Variants in STARD13 observed in about 807,000 individuals in gnomAD.
STARD13 encodes StAR related lipid transfer domain containing 13.
Under a neutral mutation model 106.4 loss-of-function variants are expected in STARD13, and 62 were observed. The ratio of observed to expected loss-of-function variants is 0.58; its 90% CI spans 0.48 to 0.72. The LOEUF (loss-of-function observed/expected upper bound fraction) is 0.72, where lower values mean the gene tolerates loss of function less well. STARD13 is among the 30% of genes least tolerant of loss of function. The pLI, the probability that STARD13 is intolerant of heterozygous loss-of-function variation, is 0.00. For missense variants in STARD13, 1,387 were observed against 1,424.0 expected, an observed-to-expected ratio of 0.97 and a Z score of 0.42; for synonymous variants, 565 against 553.0, an observed-to-expected ratio of 1.02 and a Z score of -0.31.
rs112001575 is a variant in STARD13, at chr13:33,273,447, G to A, written c.169+12023C>T. 6.7e-3 allele frequency among the ~76,000 whole-genome samples: 1,024 copies of A among 152,260 alleles called. 8 individuals are homozygous for A. The highest frequency in any genetic ancestry group is 0.023 in the African/African-American group (973 of 41,544). On this transcript the variant is annotated intron_variant, in intron 1 of 13. Coordinates refer to ENST00000336934, the MANE Select transcript of STARD13 (RefSeq NM_178006.4). ...AAGGATGTTTCTATTCTTTCTGGAG[G>A]AATTTCTAAATAGAGGGGGACTTAA...
the STARD13 span, among the ~76,000 whole-genome samples, chr13:33,599,500 T>C: frequency 6.6e-6 from 1 of 152,184 alleles, no homozygotes; most frequent in Non-Finnish European, 1.5e-5. Context: ...ACTTCATTCC[T>C]AGGAGCTTAG....
the STARD13 span, among the ~76,000 whole-genome samples, chr13:33,596,218 G>A: frequency 6.6e-6 from 1 of 152,116 alleles, no homozygotes; most frequent in Admixed American, 6.5e-5. Context: ...AAGGCTAATT[G>A]TTTGGTGTTT....
chr13:33,168,694 A>G (rs141485189), intron 1 of STARD13, among the ~76,000 whole-genome samples: 3 of 152,262 alleles, frequency 2.0e-5, no homozygotes, highest in Non-Finnish European at 2.9e-5. Context: ...TGGAGTGTAC[A>G]GGGCGTTCTT....
At chr13:33,625,873 T>G in the STARD13 span, among the ~76,000 whole-genome samples, 2 of 152,066 alleles carry the variant, frequency 1.3e-5, no homozygotes, top group Non-Finnish European at 2.9e-5. Context: ...GGCTAATTTT[T>G]GTATTTTTAG....
intron 1 of STARD13, among the ~76,000 whole-genome samples, chr13:33,268,684 A>G (rs1891022046): frequency 2.0e-5 from 3 of 152,258 alleles, no homozygotes; most frequent in Admixed American, 2.0e-4. Flanking sequence ...GCTTTAGAGC[A>G]ATGAACATGG....
chr13:33,505,624 T>C, the STARD13 span, among the ~76,000 whole-genome samples: 1 of 152,196 alleles, frequency 6.6e-6, no homozygotes, highest in Non-Finnish European at 1.5e-5. Context: ...TGTCTTCTGA[T>C]TTAACTACAT....
chr13:33,646,797 C>T, the STARD13 span, among the ~76,000 whole-genome samples: 13 of 151,856 alleles, frequency 8.6e-5, no homozygotes, highest in African/African-American at 3.1e-4. Flanking sequence ...TGAAATGTTA[C>T]ATGCAAATTC....
At chr13:33,223,553 G>A (rs930584925) in intron 1 of STARD13, among the ~76,000 whole-genome samples, 1 of 152,064 alleles carries the variant, frequency 6.6e-6, no homozygotes, top group African/African-American at 2.4e-5. Flanking sequence ...CAGCTACTCG[G>A]GAGGCTGAGG....
chr13:33,309,446 A>T (rs1893049604), intron 1 of STARD13, among the ~76,000 whole-genome samples: 1 of 152,198 alleles, frequency 6.6e-6, no homozygotes, highest in African/African-American at 2.4e-5. Context: ...CACCTGACCA[A>T]CTAATGTCTC....
chr13:33,265,343 A>C (rs911957003), intron 1 of STARD13, among the ~76,000 whole-genome samples: 1 of 152,230 alleles, frequency 6.6e-6, no homozygotes, highest in Non-Finnish European at 1.5e-5. Context: ...AAGAGTTCAC[A>C]TTTGAAAATC....
chr13:33,366,148 T>G, the STARD13 span, among the ~76,000 whole-genome samples: 264 of 152,228 alleles, frequency 1.7e-3, 4 homozygotes, highest in African/African-American at 6.3e-3. The surrounding 1 kb of genome is among the most constrained non-coding windows in gnomAD (Gnocchi z 4.2). Flanking sequence ...TGGCTTATAC[T>G]TGCTTAGTAT....
intron 1 of STARD13, among the ~76,000 whole-genome samples, chr13:33,320,401 G>A (rs1893512868): frequency 6.6e-6 from 1 of 152,138 alleles, no homozygotes; most frequent in African/African-American, 2.4e-5. Context: ...AGTATGTGGA[G>A]GGATTAGCTA....
chr13:33,177,002 T>G (rs797217), intron 1 of STARD13, among the ~76,000 whole-genome samples: 34,587 of 152,234 alleles, frequency 0.23, 5,169 homozygotes, highest in Non-Finnish European at 0.34. Flanking sequence ...TTGAGGATCT[T>G]CACATTTGAT....
chr13:33,156,871 T>A (rs1882046685), intron 3 of STARD13, among the ~76,000 whole-genome samples: 3 of 152,182 alleles, frequency 2.0e-5, no homozygotes, highest in Admixed American at 2.0e-4. Context: ...ACTCAAGATT[T>A]TAAAGGTGGA....
the STARD13 span, among the ~76,000 whole-genome samples, chr13:33,393,012 G>A: frequency 3.3e-5 from 5 of 152,206 alleles, no homozygotes; most frequent in Non-Finnish European, 7.3e-5. Context: ...AGATGCCTAA[G>A]AACTTTTATA....
At chr13:33,354,365 T>C (rs1468300814), upstream of STARD13, among the ~76,000 whole-genome samples, 1 of 152,256 alleles carries the variant, frequency 6.6e-6, no homozygotes, top group East Asian at 1.9e-4. Context: ...TGTACTCAGA[T>C]GTCACCTCCT....
chr13:33,535,206 ACT>A, the STARD13 span, among the ~76,000 whole-genome samples: 2 of 151,950 alleles, frequency 1.3e-5, no homozygotes, highest in Non-Finnish European at 2.9e-5. Flanking sequence ...CAAGAGCGAA[ACT>A]CTGTCTCAAA....
chr13:33,364,096 A>G, the STARD13 span, among the ~76,000 whole-genome samples: 3 of 152,182 alleles, frequency 2.0e-5, no homozygotes, highest in African/African-American at 7.2e-5. Flanking sequence ...TGATTAATTT[A>G]AAACATTACT....
At chr13:33,248,456 T>C (rs2555594) in intron 1 of STARD13, among the ~76,000 whole-genome samples, 95,947 of 152,086 alleles carry the variant, frequency 0.63, 30,786 homozygotes, top group Middle Eastern at 0.71. Flanking sequence ...ATCCTGGGCA[T>C]GTGAGAGCAT....
Sources: gnomAD v4.1 joint callset for allele counts (sites outside exome capture counted in the v4.1 genomes callset) on GRCh38, gnomAD v4.1.1 for gene constraint, Gnocchi (gnomAD v3.1) non-coding constraint, MANE v1.5 for transcripts, NCBI Gene and HGNC (gene_info 2026-07-23, HGNC 2026-07-21) for gene names.